JAG2: variants seen among roughly 807,000 people sequenced by gnomAD.
The protein encoded by JAG2 is protein jagged-2.
In JAG2, 46 loss-of-function variants were observed where a neutral mutation model predicts 141.7. The observed-to-expected ratio is 0.32, with a 90% CI of 0.26 to 0.42. The LOEUF is 0.42. Among genes scored for constraint, JAG2 ranks in the 10% least tolerant of loss-of-function variants. The probability of loss-of-function intolerance (pLI) is 1.00; values close to 1 mark genes in which losing one functional copy is unlikely to be tolerated. For missense variants in JAG2, 1,500 were observed against 1,817.5 expected (o/e 0.83, Z 3.18); for synonymous variants, 862 against 763.5 (o/e 1.13, Z -2.13).
At chr14:105,158,584 G>A (rs897960141) in intron 2 of JAG2, among the ~76,000 whole-genome samples, 2 of 152,108 alleles carry the variant, frequency 1.3e-5, no homozygotes, top group Admixed American at 6.5e-5. Flanking sequence ...CACGGAGACC[G>A]TCACTCACAG....
At position 105,150,773 on chromosome 14, in the gene JAG2, A is replaced by T; in HGVS notation, c.1433T>A (p.Leu478Gln). The part of the protein sequence containing the change: ...QCQHGGTCKD[L>Q]VNGYQCVCPR... ...GCACACACACTGGTACCCGTTCACCAGGTCCTGGGCGGGCCAGCCAGGTGA... is the reference window on the plus strand; with the variant it reads ...GCACACACACTGGTACCCGTTCACCTGGTCCTGGGCGGGCCAGCCAGGTGA... The change falls in exon 12 of 26, where the codon CTG (leucine) becomes CAG (glutamine). Residue 478 changes from leucine to glutamine, a missense_variant. Leu to Gln is a moderately radical substitution (Grantham distance 113). Transcript: ENST00000331782. 1 of 1,586,896 alleles carries T rather than the reference A, an allele frequency of 6.3e-7. No homozygotes were observed. Among genetic ancestry groups the T allele is most frequent in the African/African-American group, 1.3e-5 (1 of 74,526 alleles).
intron 2 of JAG2, among the ~76,000 whole-genome samples, chr14:105,160,998 G>A (rs1184712174): frequency 1.3e-5 from 2 of 152,220 alleles, no homozygotes; most frequent in Non-Finnish European, 2.9e-5. Flanking sequence ...CATAGCCCAC[G>A]GGGACAGTGG....
chr14:105,168,133 G>C, intron 1 of JAG2, 26 bp from the exon 2 acceptor site: 1 of 1,488,256 alleles, frequency 6.7e-7, no homozygotes, highest in East Asian at 2.8e-5. Context: ...CGGGAGAGCG[G>C]AGGGAGGCGC....
chr14:105,155,187 G>A (rs1189310244), intron 5 of JAG2, among the ~76,000 whole-genome samples: 1 of 151,250 alleles, frequency 6.6e-6, no homozygotes, highest in Non-Finnish European at 1.5e-5. Flanking sequence ...GCCGCCCCTC[G>A]CCTGCTGGTG....
Position 105,148,950 on chromosome 14 carries a change from G to T in JAG2, c.1893C>A (p.Thr631=). Residue 631 remains threonine, a synonymous_variant, in exon 14 of 26, where the codon ACC becomes ACA. Transcript: ENST00000331782. The part of the protein sequence containing the change: ...SCICDSGFTG[T]YCHENIDDCL... ...GTGGCCACTCACTCTCATGGCAGTA[G>T]GTGCCAGTAAAGCCACTGTCACAGA... 6.2e-7 allele frequency: 1 copy of T among 1,606,702 alleles called. No individual in the cohort carries two copies.
intron 24 of JAG2, among the ~76,000 whole-genome samples, chr14:105,144,623 G>A (rs1370459942): frequency 2.6e-5 from 4 of 152,310 alleles, no homozygotes; most frequent in South Asian, 2.1e-4. Context: ...CTAAGCCCAC[G>A]GACTCTCCTG....
rs1888936604 is a variant in JAG2 at position 105,167,129 on chromosome 14, C to A, written c.417+628G>T. Among the ~76,000 whole-genome samples the A allele has an allele frequency of 6.6e-6, 1 of 152,206 alleles. No individual in the cohort carries two copies. The highest frequency in any genetic ancestry group is 1.5e-5 in the Non-Finnish European group (1 of 68,032). ...CAGCCCCGACTCAGCTTCTGCCCCTCCAGAATAACAAAACCAAAAAAACCC... is the reference window on the plus strand; with the variant it reads ...CAGCCCCGACTCAGCTTCTGCCCCTACAGAATAACAAAACCAAAAAAACCC... On this transcript the variant is annotated intron_variant, in intron 2 of 25. Coordinates refer to ENST00000331782, the MANE Select transcript of JAG2 (RefSeq NM_002226.5). This position sits in a 1 kb window ranked among gnomAD's most constrained non-coding sequence, Gnocchi z 4.8.
chr14:105,161,979 T>G (rs1375119063), intron 2 of JAG2, among the ~76,000 whole-genome samples: 1 of 152,182 alleles, frequency 6.6e-6, no homozygotes, highest in Admixed American at 6.5e-5. Flanking sequence ...CAGGAGGGAC[T>G]ATAGGGCCTG....
At position 105,143,555 on chromosome 14, in the gene JAG2, C is replaced by G; in HGVS notation, c.3168G>C (p.Arg1056=). The G allele has an allele frequency of 6.3e-7, 1 of 1,598,912 alleles. No individual in the cohort carries two copies. The highest frequency in any genetic ancestry group is 8.5e-7 in the Non-Finnish European group (1 of 1,175,476). The part of the protein sequence containing the change: ...AHAIVAAITQ[R]GNSSLLLAVT... ...CAGCCAGGAGCAGTGAGCTGTTCCC[C>G]CGCTGGGTGATGGCGGCCACGATGG... Residue 1056 remains arginine (R), a synonymous_variant, in exon 25 of 26, where the codon CGG becomes CGC. Transcript: ENST00000331782.
chr14:105,166,828 G>A (rs767243154), intron 2 of JAG2, among the ~76,000 whole-genome samples: 14 of 152,184 alleles, frequency 9.2e-5, no homozygotes, highest in Non-Finnish European at 2.1e-4. Flanking sequence ...CTGATCACAG[G>A]TCTGCATGGT....
In JAG2 at chr14:105,147,342, C is replaced by G; in HGVS notation, c.2463G>C (p.Gly821=). The G allele has an allele frequency of 6.4e-7, 1 of 1,561,950 alleles. No homozygotes were observed. Among genetic ancestry groups the G allele is most frequent in the South Asian group, 1.2e-5 (1 of 85,210 alleles). ...GCCACTCACTGATGCGGCAGTCAGG[C>G]CCCGCGAAGCCAGGTGCACACTCGC... ...FRCECAPGFA[G]PDCRINIDEC... The change falls in exon 20 of 26, where the codon GGG becomes GGC. Residue 821 remains glycine, a synonymous_variant. Transcript: ENST00000331782.
At chr14:105,150,069 G>C (rs1332989129) in intron 12 of JAG2, among the ~76,000 whole-genome samples, 6 of 103,334 alleles carry the variant, frequency 5.8e-5, no homozygotes, top group African/African-American at 2.4e-4. Flanking sequence ...GGTGGGGAAG[G>C]GGGTGGTAGG....
At chr14:105,160,363 G>C (rs1888711829) in intron 2 of JAG2, among the ~76,000 whole-genome samples, 1 of 64,976 alleles carries the variant, frequency 1.5e-5, no homozygotes, top group Non-Finnish European at 2.8e-5. Flanking sequence ...CCTCGCAGCT[G>C]CACCTGGCCA....
At position 105,147,405 on chromosome 14, in the gene JAG2, A is replaced by G. The variant is rs1450640112; in HGVS notation, c.2400T>C (p.Asn800=). 6 of 1,609,374 alleles carry G rather than the reference A, an allele frequency of 3.7e-6. No homozygotes were observed. The highest frequency in any genetic ancestry group is 4.2e-6 in the Non-Finnish European group (5 of 1,178,586). ...TGACGCCGTCAACACAGATGCCACC[A>G]TTGTAGCTGCAGAGCAGAGGGTGGG... ...TNDCNPLPCY[N]GGICVDGVNW... is the part of the protein sequence containing the mutation. Residue 800 remains asparagine, a synonymous_variant, in exon 20 of 26, where the codon AAT becomes AAC. Transcript: ENST00000331782.
chr14:105,168,357 G>T lies in JAG2; in HGVS notation c.64C>A (p.Gln22Lys). ...GCCGCCCCCGCCGCCCCGCTCACCT[G>T]CACCCAGAGCGCCAGCAGCAGCAGC... ...RLLLLLALWVQAARPMGYFEL... is the reference protein window; with the variant it reads ...RLLLLLALWVKAARPMGYFEL... The change falls in exon 1 of 26, where the codon CAG (glutamine) becomes AAG (lysine). Residue 22 changes from glutamine (Q) to lysine (K), a missense_variant and splice_region_variant. Physicochemically the swap from Gln to Lys is moderately conservative, Grantham distance 53 (BLOSUM62 1). Transcript: ENST00000331782. The T allele has an allele frequency of 1.0e-6, 1 of 971,622 alleles. No individual in the cohort carries two copies. The highest frequency in any genetic ancestry group is 1.3e-6 in the Non-Finnish European group (1 of 782,780). The allele number at this position is 971,622 out of a possible 1,614,324, so 60.2% of individuals were successfully genotyped here. A position where few individuals can be genotyped will look rare whatever the true frequency, so the allele number is the denominator to read the frequency against.
At chr14:105,160,461 C>CTTCG (rs1888714635) in intron 2 of JAG2, among the ~76,000 whole-genome samples, 1 of 151,252 alleles carries the variant, frequency 6.6e-6, no homozygotes, top group Admixed American at 6.6e-5. Flanking sequence ...TCCTTCCTTC[C>CTTCG]TTCGTTCACA....
chr14:105,152,237 G>C lies in JAG2; in HGVS notation c.843C>G (p.Gly281=). ...GCTCCACACAACTGCCATGCACGCAGCCGGGGTAGGGGACACACTCATCGC... is the reference window on the plus strand; with the variant it reads ...GCTCCACACAACTGCCATGCACGCACCCGGGGTAGGGGACACACTCATCGC... ...RFCDECVPYP[G]CVHGSCVEPW... is the part of the protein sequence containing the mutation. The change falls in exon 6 of 26, where the codon GGC becomes GGG. Residue 281 remains glycine, a synonymous_variant. Coordinates refer to ENST00000331782, the MANE Select transcript of JAG2 (RefSeq NM_002226.5). 6.2e-7 allele frequency: 1 copy of C among 1,613,530 alleles called. No homozygotes were observed. Among genetic ancestry groups the C allele is most frequent in the Non-Finnish European group, 8.5e-7 (1 of 1,180,014 alleles).
intron 2 of JAG2, among the ~76,000 whole-genome samples, chr14:105,159,274 C>T (rs1164378848): frequency 1.3e-5 from 2 of 152,044 alleles, no homozygotes; most frequent in African/African-American, 2.4e-5. Context: ...GGGGACGGCC[C>T]GAGGAGGCTC....
intron 20 of JAG2, 33 bp from the exon 21 acceptor site, chr14:105,146,757 G>T (rs587669929): frequency 6.5e-7 from 1 of 1,546,950 alleles, no homozygotes; most frequent in Non-Finnish European, 8.9e-7. Flanking sequence ...TCAGTGCAGT[G>T]AGGCCAACGC....
Sources: gnomAD v4.1 joint callset for allele counts (sites outside exome capture counted in the v4.1 genomes callset) on GRCh38, gnomAD v4.1.1 for gene constraint, Gnocchi (gnomAD v3.1) non-coding constraint, MANE v1.5 for transcripts, NCBI Gene and HGNC (gene_info 2026-07-23, HGNC 2026-07-21) for gene names.